ACTL7B: variants seen among roughly 807,000 people sequenced by gnomAD.
ACTL7B encodes the protein actin like 7B, also known as actin-like protein 7B.
In ACTL7B, 14 loss-of-function variants were observed where a neutral mutation model predicts 17.5. That is an observed-to-expected ratio of 0.80 (90% CI 0.53 to 1.25). The LOEUF (loss-of-function observed/expected upper bound fraction) is 1.25. Ranked by LOEUF, ACTL7B falls within the 50% of genes most tolerant of loss-of-function variation. ACTL7B has a pLI of 0.00. For synonymous variants in ACTL7B, 267 were observed against 252.4 expected (o/e 1.06, Z -0.55); for missense variants, 599 against 573.9 (o/e 1.04, Z -0.45).
chr9:108,855,556 G>C lies in ACTL7B; in HGVS notation c.375C>G (p.Cys125Trp), dbSNP rs769743573. 3.0e-5 allele frequency: 48 copies of C among 1,613,616 alleles called. No homozygotes were observed. Among genetic ancestry groups the C allele is most frequent in the Non-Finnish European group, 3.6e-5 (43 of 1,180,048 alleles). ...LKHGIVVDWD[C>W]VQDIWEYIFR... The stretch of plus-strand genomic sequence containing the variant: ...AGATGTACTCCCAGATGTCCTGCAC[G>C]CAGTCCCAGTCCACCACGATGCCGT... The change falls in exon 1 of 1, where the codon TGC becomes TGG. Residue 125 changes from cysteine to tryptophan, a missense_variant. Physicochemically the swap from Cys to Trp is radical, Grantham distance 215 (BLOSUM62 -2). Coordinates refer to ENST00000374667, the MANE Select transcript of ACTL7B (RefSeq NM_006686.4).
Position 108,855,319 on chromosome 9 carries a change from C to T in ACTL7B, c.612G>A (p.Ser204=). 3.7e-6 allele frequency: 6 copies of T among 1,604,556 alleles called. No individual in the cohort carries two copies. The highest frequency in any genetic ancestry group is 5.1e-6 in the Non-Finnish European group (6 of 1,179,912). The change falls in exon 1 of 1, where the codon TCG becomes TCA. Residue 204 remains serine, a synonymous_variant. Transcript: ENST00000374667. ...CGCCCTCGGATATGGGCACCACGTGCGAGACGCCGTGCCCGCTCTCCACCA... is the reference window on the plus strand; with the variant it reads ...CGCCCTCGGATATGGGCACCACGTGTGAGACGCCGTGCCCGCTCTCCACCA... ...GLVVESGHGV[S]HVVPISEGDV...
Position 108,855,958 on chromosome 9 carries a change from C to A in ACTL7B, c.-28G>T. 1.3e-6 allele frequency: 2 copies of A among 1,547,182 alleles called. No individual in the cohort carries two copies. The highest frequency in any genetic ancestry group is 1.7e-6 in the Non-Finnish European group (2 of 1,150,934). ...GCCTCCCTTGCTCCCCTTCTCACAT[C>A]CACAGCCTAGAGCCCCCTGGGGAGA... On this transcript the variant is annotated 5_prime_UTR_variant, in exon 1 of 1. Coordinates refer to ENST00000374667, the MANE Select transcript of ACTL7B (RefSeq NM_006686.4).
chr9:108,855,366 A>T lies in ACTL7B; in HGVS notation c.565T>A (p.Tyr189Asn). Residue 189 changes from tyrosine to asparagine, a missense_variant, in exon 1 of 1, where the codon TAC (tyrosine) becomes AAC (asparagine). By Grantham distance (143) the Tyr-to-Asn change is moderately radical. Transcript: ENST00000374667. Reference sequence around the variant, plus strand: ...ACCACCAGCCCCGAGGTCTTGCCGTAGGAGTAGATGGACAGCAACGACTGG... The same window carrying T: ...ACCACCAGCCCCGAGGTCTTGCCGTTGGAGTAGATGGACAGCAACGACTGG... ...TSQSLLSIYS[Y>N]GKTSGLVVES... 8 of 1,612,322 alleles carry T rather than the reference A, an allele frequency of 5.0e-6. No homozygotes were observed. The highest frequency in any genetic ancestry group is 3.4e-6 in the Non-Finnish European group (4 of 1,180,002).
At position 108,855,835 on chromosome 9, in the gene ACTL7B, G is replaced by C; in HGVS notation, c.96C>G (p.Asp32Glu). 3 of 1,611,562 alleles carry C rather than the reference G, an allele frequency of 1.9e-6. No individual in the cohort carries two copies. The highest frequency in any genetic ancestry group is 2.5e-6 in the Non-Finnish European group (3 of 1,179,974). ...TRPGPDASLR[D>E]TGAATQLKMK... ...TCTTGAGCTGAGTGGCCGCACCTGTGTCCCGGAGGCTGGCGTCAGGGCCGG... is the reference window on the plus strand; with the variant it reads ...TCTTGAGCTGAGTGGCCGCACCTGTCTCCCGGAGGCTGGCGTCAGGGCCGG... Residue 32 changes from aspartate to glutamate, a missense_variant, in exon 1 of 1, where the codon GAC becomes GAG. Coordinates refer to ENST00000374667, the MANE Select transcript of ACTL7B (RefSeq NM_006686.4).
Position 108,854,726 on chromosome 9 carries a change from T to A in ACTL7B, c.1205A>T (p.Glu402Val), listed in dbSNP as rs776643262. ...AFQQLWVSKE[E>V]FEERGSVAIY... ...GGCCACGCTGCCCCGCTCCTCAAAC[T>A]CTTCCTTGCTGACCCAGAGCTGTTG... The change falls in exon 1 of 1, where the codon GAG becomes GTG. Residue 402 changes from glutamate to valine, a missense_variant. Glu to Val is a moderately radical substitution (Grantham distance 121, BLOSUM62 -2). Coordinates refer to ENST00000374667, the MANE Select transcript of ACTL7B (RefSeq NM_006686.4). 4.6e-6 allele frequency: 7 copies of A among 1,531,810 alleles called. No individual in the cohort carries two copies. Among genetic ancestry groups the A allele is most frequent in the Admixed American group, 2.1e-5 (1 of 47,312 alleles). The allele number at this position is 1,531,810 out of a possible 1,614,324, so 94.9% of individuals were successfully genotyped here.
At position 108,855,452 on chromosome 9, in the gene ACTL7B, C is replaced by T. The variant is rs941985297; in HGVS notation, c.479G>A (p.Arg160Gln). The stretch of plus-strand genomic sequence containing the variant: ...AAACATGAGCTCCGCGTACTTCTCC[C>T]GGTTGCTGCTGGGGCTGAGCGGAGG... Reference protein sequence around the residue: ...SDPPLSPSSNREKYAELMFET... With the variant: ...SDPPLSPSSNQEKYAELMFET... The change falls in exon 1 of 1, where the codon CGG becomes CAG. Residue 160 changes from arginine to glutamine, a missense_variant. Arg to Gln is a conservative substitution (Grantham distance 43). Transcript: ENST00000374667. 10 of 1,613,174 alleles carry T rather than the reference C, an allele frequency of 6.2e-6. No individual in the cohort carries two copies. The highest frequency in any genetic ancestry group is 4.5e-5 in the East Asian group (2 of 44,874).
In ACTL7B at chr9:108,854,702, G is replaced by T; in HGVS notation, c.1229C>A (p.Ala410Asp). ...KEEFEERGSV[A>D]IYSKC ...CGAGGCTCAGCACTTGCTGTAGATGGCCACGCTGCCCCGCTCCTCAAACTC... is the reference window on the plus strand; with the variant it reads ...CGAGGCTCAGCACTTGCTGTAGATGTCCACGCTGCCCCGCTCCTCAAACTC... Residue 410 changes from alanine (A) to aspartate (D), a missense_variant, in exon 1 of 1, where the codon GCC becomes GAC. Ala to Asp is a moderately radical substitution (Grantham distance 126). Coordinates refer to ENST00000374667, the MANE Select transcript of ACTL7B (RefSeq NM_006686.4). 2.6e-6 allele frequency: 4 copies of T among 1,513,436 alleles called. No homozygotes were observed. Among genetic ancestry groups the T allele is most frequent in the Non-Finnish European group, 3.5e-6 (4 of 1,129,844 alleles). 93.8% of individuals were successfully genotyped at this position (1,513,436 alleles called of 1,614,324 possible). A position where few individuals can be genotyped will look rare whatever the true frequency, so the allele number is the denominator to read the frequency against.
Position 108,855,375 on chromosome 9 carries a change from T to C in ACTL7B, c.556A>G (p.Ile186Val). ...MHVTSQSLLS[I>V]YSYGKTSGLV... ...CCCGAGGTCTTGCCGTAGGAGTAGA[T>C]GGACAGCAACGACTGGGACGTCACG... Residue 186 changes from isoleucine (I) to valine (V), a missense_variant, in exon 1 of 1, where the codon ATC becomes GTC. Coordinates refer to ENST00000374667, the MANE Select transcript of ACTL7B (RefSeq NM_006686.4). The C allele has an allele frequency of 1.9e-6, 3 of 1,612,766 alleles. No homozygotes were observed. In the East Asian group the frequency reaches 6.7e-5, roughly 36 times the overall value.
Position 108,855,050 on chromosome 9 carries a change from T to C in ACTL7B, c.881A>G (p.Glu294Gly), listed in dbSNP as rs759658357. 1 of 1,540,940 alleles carries C rather than the reference T, an allele frequency of 6.5e-7. No homozygotes were observed. The highest frequency in any genetic ancestry group is 8.8e-7 in the Non-Finnish European group (1 of 1,142,438). Residue 294 changes from glutamate (E) to glycine (G), a missense_variant, in exon 1 of 1, where the codon GAG (glutamate) becomes GGG (glycine). Physicochemically the swap from Glu to Gly is moderately conservative, Grantham distance 98. Coordinates refer to ENST00000374667, the MANE Select transcript of ACTL7B (RefSeq NM_006686.4). ...PDGKLITIGQ[E>G]RFRCSEMLFQ... ...GAGCATCTCAGAGCAACGGAAGCGC[T>C]CCTGGCCAATAGTGATGAGTTTGCC... is the stretch of plus-strand genomic sequence containing the variant.
Position 108,855,309 on chromosome 9 carries a change from G to T in ACTL7B, c.622C>A (p.Pro208Thr). Residue 208 changes from proline to threonine, a missense_variant, in exon 1 of 1, where the codon CCC (proline) becomes ACC (threonine). By Grantham distance (38) the Pro-to-Thr change is conservative (BLOSUM62 -1). Coordinates refer to ENST00000374667, the MANE Select transcript of ACTL7B (RefSeq NM_006686.4). ...GGCAGCACGTCGCCCTCGGATATGG[G>T]CACCACGTGCGAGACGCCGTGCCCG... ...ESGHGVSHVV[P>T]ISEGDVLPGL... 6.2e-7 allele frequency: 1 copy of T among 1,603,180 alleles called. No individual in the cohort carries two copies. Among genetic ancestry groups the T allele is most frequent in the East Asian group, 2.2e-5 (1 of 44,866 alleles).
Position 108,855,192 on chromosome 9 carries a change from C to G in ACTL7B, c.739G>C (p.Asp247His), listed in dbSNP as rs1170556412. ...LNEAGHAFTD[D>H]HLHIIEHIKK... is the part of the protein sequence containing the mutation. ...ATGTGCTCTATGATGTGCAGGTGGT[C>G]GTCCGTGAATGCGTGGCCCGCCTCA... is the stretch of plus-strand genomic sequence containing the variant. Residue 247 changes from aspartate to histidine, a missense_variant, in exon 1 of 1, where the codon GAC (aspartate) becomes CAC (histidine). By Grantham distance (81) the Asp-to-His change is moderately conservative. Coordinates refer to ENST00000374667, the MANE Select transcript of ACTL7B (RefSeq NM_006686.4). The G allele has an allele frequency of 6.2e-6, 10 of 1,602,730 alleles. No individual in the cohort carries two copies. The highest frequency in any genetic ancestry group is 6.8e-6 in the Non-Finnish European group (8 of 1,177,644).
In ACTL7B at chr9:108,855,737, T is replaced by G; in HGVS notation, c.194A>C (p.Tyr65Ser). Residue 65 changes from tyrosine (Y) to serine (S), a missense_variant, in exon 1 of 1, where the codon TAC becomes TCC. Coordinates refer to ENST00000374667, the MANE Select transcript of ACTL7B (RefSeq NM_006686.4). ...GTAGGTGGGCCTCGGCTCTCCCGCG[T>G]AGCCGCACTTGCAGTACTGGGAGCC... ...DLGSQYCKCGYAGEPRPTYFI... is the reference protein window; with the variant it reads ...DLGSQYCKCGSAGEPRPTYFI... 1.2e-6 allele frequency: 2 copies of G among 1,608,904 alleles called. No homozygotes were observed. Among genetic ancestry groups the G allele is most frequent in the Non-Finnish European group, 1.7e-6 (2 of 1,179,954 alleles).
Position 108,855,505 on chromosome 9 carries a change from G to C in ACTL7B, c.426C>G (p.Pro142=), listed in dbSNP as rs753999295. ...CGGAGACCAGCACAGCGTGCTCCTC[G>C]GGGAGGATCTTCATGGCGGTGCGGA... ...YIFRTAMKIL[P]EEHAVLVSDP... Residue 142 remains proline, a synonymous_variant, in exon 1 of 1, where the codon CCC becomes CCG. Coordinates refer to ENST00000374667, the MANE Select transcript of ACTL7B (RefSeq NM_006686.4). 24 of 1,613,420 alleles carry C rather than the reference G, an allele frequency of 1.5e-5. No individual in the cohort carries two copies. The highest frequency in any genetic ancestry group is 1.9e-5 in the Non-Finnish European group (23 of 1,180,044).
Position 108,854,815 on chromosome 9 carries a change from G to A in ACTL7B, c.1116C>T (p.Ala372=), listed in dbSNP as rs774195611. 7 of 1,603,614 alleles carry A rather than the reference G, an allele frequency of 4.4e-6. No homozygotes were observed. Among genetic ancestry groups the A allele is most frequent in the South Asian group, 2.2e-5 (2 of 89,842 alleles). The stretch of plus-strand genomic sequence containing the variant: ...ACACGGAGGTCTTCCTCTCAGGAGC[G>A]GCAGCCACTGCAGGGCTGTCCCCGG... The part of the protein sequence containing the change: ...LCPGDSPAVA[A]APERKTSVWT... The change falls in exon 1 of 1, where the codon GCC becomes GCT. Residue 372 remains alanine, a synonymous_variant. Transcript: ENST00000374667.
In ACTL7B at chr9:108,855,775, G is replaced by A. The variant is rs1294282026; in HGVS notation, c.156C>T (p.Val52=). 1.2e-6 allele frequency: 2 copies of A among 1,609,922 alleles called. No individual in the cohort carries two copies. Among genetic ancestry groups the A allele is most frequent in the South Asian group, 2.2e-5 (2 of 91,066 alleles). Residue 52 remains valine, a synonymous_variant, in exon 1 of 1, where the codon GTC becomes GTT. Transcript: ENST00000374667. ...AGTACTGGGAGCCCAGGTCGATGAT[G>A]ACCGCCTTGATCTTGTGCACCTTCC... ...KPRKVHKIKA[V]IIDLGSQYCK...
In ACTL7B at chr9:108,855,731, C is replaced by G. The variant is rs1371906258; in HGVS notation, c.200G>C (p.Gly67Ala). Residue 67 changes from glycine to alanine, a missense_variant, in exon 1 of 1, where the codon GGA (glycine) becomes GCA (alanine). By Grantham distance (60) the Gly-to-Ala change is moderately conservative. Transcript: ENST00000374667. Reference sequence around the variant, plus strand: ...GATGAAGTAGGTGGGCCTCGGCTCTCCCGCGTAGCCGCACTTGCAGTACTG... The same window carrying G: ...GATGAAGTAGGTGGGCCTCGGCTCTGCCGCGTAGCCGCACTTGCAGTACTG... ...GSQYCKCGYA[G>A]EPRPTYFISS... The G allele has an allele frequency of 6.2e-7, 1 of 1,608,834 alleles. No homozygotes were observed. The highest frequency in any genetic ancestry group is 1.7e-5 in the Admixed American group (1 of 60,018).
In ACTL7B at chr9:108,855,363, C is replaced by A. The variant is rs764040410; in HGVS notation, c.568G>T (p.Gly190Cys). The part of the protein sequence containing the change: ...SQSLLSIYSY[G>C]KTSGLVVESG... ...TCCACCACCAGCCCCGAGGTCTTGC[C>A]GTAGGAGTAGATGGACAGCAACGAC... Residue 190 changes from glycine to cysteine, a missense_variant, in exon 1 of 1, where the codon GGC (glycine) becomes TGC (cysteine). Gly to Cys is a radical substitution (Grantham distance 159). Coordinates refer to ENST00000374667, the MANE Select transcript of ACTL7B (RefSeq NM_006686.4). The A allele has an allele frequency of 1.2e-6, 2 of 1,611,962 alleles. No individual in the cohort carries two copies. The highest frequency in any genetic ancestry group is 1.7e-6 in the Non-Finnish European group (2 of 1,180,012).
chr9:108,854,604 T>C lies in ACTL7B; in HGVS notation c.*79A>G. The C allele has an allele frequency of 7.5e-7, 1 of 1,340,500 alleles. No homozygotes were observed. Among genetic ancestry groups the C allele is most frequent in the Admixed American group, 2.8e-5 (1 of 36,318 alleles). The allele number at this position is 1,340,500 out of a possible 1,614,324, so 83.0% of individuals were successfully genotyped here. A position where few individuals can be genotyped will look rare whatever the true frequency, so the allele number is the denominator to read the frequency against. ...CAAGAGCCATTTCAGAGTAAACCTT[T>C]ATGTGAAATTCTGTAAATGTGTATA... On this transcript the variant is annotated 3_prime_UTR_variant, in exon 1 of 1. Transcript: ENST00000374667.
rs774900912 is a variant in ACTL7B at position 108,855,769 on chromosome 9, G to C, written c.162C>G (p.Ile54Met). 1 of 1,609,694 alleles carries C rather than the reference G, an allele frequency of 6.2e-7. No homozygotes were observed. Among genetic ancestry groups the C allele is most frequent in the South Asian group, 1.1e-5 (1 of 91,080 alleles). Residue 54 changes from isoleucine (I) to methionine (M), a missense_variant, in exon 1 of 1, where the codon ATC (isoleucine) becomes ATG (methionine). Transcript: ENST00000374667. ...ACTTGCAGTACTGGGAGCCCAGGTC[G>C]ATGATGACCGCCTTGATCTTGTGCA... Reference protein sequence around the residue: ...RKVHKIKAVIIDLGSQYCKCG... With the variant: ...RKVHKIKAVIMDLGSQYCKCG...
Sources: gnomAD v4.1 joint callset for allele counts on GRCh38, gnomAD v4.1.1 for gene constraint, MANE v1.5 for transcripts, NCBI Gene and HGNC (gene_info 2026-07-23, HGNC 2026-07-21) for gene names.